The following ATXN2 variants were observed in gnomAD, a reference collection of about 807,000 sequenced individuals.
ATXN2 encodes ataxin-2.
In ATXN2, 37 loss-of-function variants were observed where a neutral mutation model predicts 138.6. The ratio of observed to expected loss-of-function variants is 0.27; its 90% CI spans 0.21 to 0.35. ATXN2 has a LOEUF of 0.35. ATXN2 is among the 10% of genes least tolerant of loss of function. ATXN2 has a pLI of 1.00. For synonymous variants in ATXN2, 549 were observed against 543.7 expected (o/e 1.01, Z -0.13); for missense variants, 1,216 against 1,480.3 (o/e 0.82, Z 2.93).
intron 18 of ATXN2, among the ~76,000 whole-genome samples, chr12:111,483,258 A>G (rs1188113341): frequency 1.3e-5 from 2 of 151,670 alleles, no homozygotes; most frequent in Non-Finnish European, 2.9e-5. Flanking sequence ...AAAAAAACAC[A>G]TTGAGGAAAT....
At position 111,598,994 on chromosome 12, in the gene ATXN2, TGCTGCTGCTGCTGCTGCTGCTGCTGG is replaced by T; in HGVS notation, c.15_40del (p.Gln6AlafsTer75). On this transcript the variant is annotated frameshift_variant, in exon 1 of 25. Coordinates refer to ENST00000673436, the MANE Select transcript of ATXN2 (RefSeq NM_001372574.1). LOFTEE classifies it high-confidence loss of function. The surrounding 1 kb of genome is among the most constrained non-coding windows in gnomAD (Gnocchi z 4.5). The stretch of plus-strand genomic sequence containing the variant: ...CTGCTGCTGTTGCTGCTGCTGCTGC[TGCTGCTGCTGCTGCTGCTGCTGCTGG>T]GGCTTCAGCGACATGGTGAGGGGCC... The T allele has an allele frequency of 2.1e-6, 3 of 1,402,180 alleles. No homozygotes were observed. Among genetic ancestry groups the T allele is most frequent in the Non-Finnish European group, 1.9e-6 (2 of 1,061,526 alleles). 86.9% of individuals were successfully genotyped at this position (1,402,180 alleles called of 1,614,324 possible).
chr12:111,508,690 G>A (rs1471902233), intron 14 of ATXN2, among the ~76,000 whole-genome samples: 1 of 151,930 alleles, frequency 6.6e-6, no homozygotes, highest in Admixed American at 6.6e-5. Flanking sequence ...TAGGTGATCT[G>A]CCCACCTCGG....
intron 1 of ATXN2, among the ~76,000 whole-genome samples, chr12:111,562,159 TAC>T (rs1196650953): frequency 1.3e-5 from 2 of 150,094 alleles, no homozygotes; most frequent in Non-Finnish European, 3.0e-5. Flanking sequence ...ACTTGCCAGG[TAC>T]AATGGCTCAT....
intron 20 of ATXN2, 101 bp downstream of exon 20, chr12:111,470,007 T>A (rs888636365): frequency 7.6e-7 from 1 of 1,323,932 alleles, no homozygotes; most frequent in South Asian, 1.8e-5. Flanking sequence ...TGACCCTCAA[T>A]GTCATAAAAG....
intron 18 of ATXN2, among the ~76,000 whole-genome samples, chr12:111,474,292 T>C (rs1429358852): frequency 1.3e-5 from 2 of 151,984 alleles, no homozygotes; most frequent in Non-Finnish European, 2.9e-5. Flanking sequence ...CCTAAAGTGC[T>C]GGCCTGTAAT....
Position 111,598,106 on chromosome 12 carries a change from CA to C in ATXN2, c.251+677del. 8.9e-7 allele frequency: 1 copy of C among 1,119,704 alleles called. No individual in the cohort carries two copies. Among genetic ancestry groups the C allele is most frequent in the Non-Finnish European group, 1.1e-6 (1 of 903,850 alleles). 69.4% of individuals were successfully genotyped at this position (1,119,704 alleles called of 1,614,324 possible). The stretch of plus-strand genomic sequence containing the variant: ...GAGGCCACATGGAGCCCCACGATTT[CA>C]GGGGAGTTCGGGAGCCCCCGCCGCC... On this transcript the variant is annotated intron_variant, in intron 1 of 24. Transcript: ENST00000673436. The surrounding 1 kb of genome is among the most constrained non-coding windows in gnomAD (Gnocchi z 4.5).
chr12:111,480,315 A>G (rs900649211), intron 18 of ATXN2, among the ~76,000 whole-genome samples: 1 of 152,240 alleles, frequency 6.6e-6, no homozygotes, highest in Non-Finnish European at 1.5e-5. Context: ...AACAAGATAA[A>G]TTGGATTCAC....
chr12:111,465,838 G>C (rs904519153), intron 20 of ATXN2, among the ~76,000 whole-genome samples: 1 of 151,116 alleles, frequency 6.6e-6, no homozygotes, highest in African/African-American at 2.4e-5. Flanking sequence ...TCTTAGAAGG[G>C]ATGGGGTAGA....
Position 111,516,450 on chromosome 12 carries a change from A to G in ATXN2, c.1166-87T>C. The G allele has an allele frequency of 8.0e-7, 1 of 1,253,434 alleles. No individual in the cohort carries two copies. The highest frequency in any genetic ancestry group is 1.1e-6 in the Non-Finnish European group (1 of 906,466). 77.6% of individuals were successfully genotyped at this position (1,253,434 alleles called of 1,614,324 possible). A position where few individuals can be genotyped will look rare whatever the true frequency, so the allele number is the denominator to read the frequency against. On this transcript the variant is annotated intron_variant, in intron 9 of 24. Transcript: ENST00000673436. This position sits in a 1 kb window ranked among gnomAD's most constrained non-coding sequence, Gnocchi z 5.0. ...GTAAACAGAAAAAAAGTAAAATGAC[A>G]AAAATGATTTCTTGTACATTTTAAC...
At chr12:111,512,392 G>A in intron 11 of ATXN2, 1 of 151,828 alleles carries the variant, frequency 6.6e-6, no homozygotes. Context: ...GGACTGATTG[G>A]CAAAGTAGCA....
intron 1 of ATXN2, among the ~76,000 whole-genome samples, chr12:111,560,680 C>T (rs1019081109): frequency 6.6e-6 from 1 of 151,648 alleles, no homozygotes; most frequent in African/African-American, 2.4e-5. Flanking sequence ...ATAACAGTAA[C>T]AACCACCACC....
chr12:111,561,485 A>G (rs537693471), intron 1 of ATXN2, among the ~76,000 whole-genome samples: 1 of 152,202 alleles, frequency 6.6e-6, no homozygotes, highest in Admixed American at 6.5e-5. Flanking sequence ...GGGCAACAAG[A>G]GCAAACCTCC....
chr12:111,562,309 T>TA (rs1391218495), intron 1 of ATXN2, among the ~76,000 whole-genome samples: 1 of 152,026 alleles, frequency 6.6e-6, no homozygotes, highest in Admixed American at 6.6e-5. Context: ...TGCAGGTGCC[T>TA]GTAGTCCCAG....
At chr12:111,584,460 A>G (rs1884210405) in intron 1 of ATXN2, among the ~76,000 whole-genome samples, 1 of 150,382 alleles carries the variant, frequency 6.6e-6, no homozygotes, top group Non-Finnish European at 1.5e-5. Flanking sequence ...GTCCATAGGC[A>G]ATGTGCCCAG....
At chr12:111,577,939 T>C (rs1857837045) in intron 1 of ATXN2, among the ~76,000 whole-genome samples, 1 of 152,080 alleles carries the variant, frequency 6.6e-6, no homozygotes, top group African/African-American at 2.4e-5. Context: ...CTCACATCTG[T>C]AATCCCAGCA....
chr12:111,480,859 C>T (rs924987649), intron 18 of ATXN2, among the ~76,000 whole-genome samples: 10 of 152,004 alleles, frequency 6.6e-5, no homozygotes, highest in Non-Finnish European at 1.0e-4. Flanking sequence ...GTTTTATAGG[C>T]GTTTCATAGG....
Position 111,560,767 on chromosome 12 carries a change from A to AT in ATXN2, c.252-4849_252-4848insA, listed in dbSNP as rs148016282. Among the ~76,000 whole-genome samples the AT allele has an allele frequency of 8.8e-3, 1,334 of 152,044 alleles. 21 individuals are homozygous for AT. Among genetic ancestry groups the AT allele is most frequent in the African/African-American group, 0.031 (1,286 of 41,494 alleles). ...CCAGTTTTCAACAACAAAAAAAAAA[A>AT]CGACAAGCTAAGACACAGGAAAGTA... is the stretch of plus-strand genomic sequence containing the variant. On this transcript the variant is annotated intron_variant, in intron 1 of 24. Coordinates refer to ENST00000673436, the MANE Select transcript of ATXN2 (RefSeq NM_001372574.1).
chr12:111,585,588 T>A (rs1320312562), intron 1 of ATXN2, among the ~76,000 whole-genome samples: 1 of 151,580 alleles, frequency 6.6e-6, no homozygotes, highest in Admixed American at 6.6e-5. Flanking sequence ...GCGGATCACC[T>A]GAGGTCAGGA....
chr12:111,480,544 G>A (rs371355589), intron 18 of ATXN2, among the ~76,000 whole-genome samples: 6 of 152,038 alleles, frequency 3.9e-5, no homozygotes, highest in South Asian at 2.1e-4. Flanking sequence ...GTGTGGTGGC[G>A]CACCCCTGTA....
Sources: gnomAD v4.1 joint callset for allele counts (sites outside exome capture counted in the v4.1 genomes callset) on GRCh38, gnomAD v4.1.1 for gene constraint, Gnocchi (gnomAD v3.1) non-coding constraint, MANE v1.5 for transcripts, NCBI Gene and HGNC (gene_info 2026-07-23, HGNC 2026-07-21) for gene names.